The following NSMCE1 variants were observed in gnomAD, a reference collection of about 807,000 sequenced individuals.
NSMCE1 encodes NSE1 component of SMC5/6 complex, also known as non-structural maintenance of chromosomes element 1 homolog.
Under a neutral mutation model 29.6 loss-of-function variants are expected in NSMCE1, and 18 were observed. The observed-to-expected ratio is 0.61, with a 90% CI of 0.42 to 0.90. The LOEUF is 0.90. NSMCE1 is among the 40% of genes least tolerant of loss of function. The pLI is 0.00. For synonymous variants in NSMCE1, 124 were observed against 133.4 expected, an observed-to-expected ratio of 0.93 and a Z score of 0.49; for missense variants, 314 against 343.6, an observed-to-expected ratio of 0.91 and a Z score of 0.68.
chr16:27,243,768 A>T (rs925230835), intron 2 of NSMCE1, among the ~76,000 whole-genome samples: 4 of 152,094 alleles, frequency 2.6e-5, no homozygotes, highest in Admixed American at 6.6e-5. Context: ...CCCCCACCTC[A>T]GTCTCCCCAG....
At chr16:27,260,607 CTATAT>C (rs1468052093) in intron 1 of NSMCE1, among the ~76,000 whole-genome samples, 1 of 152,032 alleles carries the variant, frequency 6.6e-6, no homozygotes, top group African/African-American at 2.4e-5. Flanking sequence ...AAATCTACCT[CTATAT>C]TATAAGAGTT....
At position 27,254,364 on chromosome 16, in the gene NSMCE1, A is replaced by C. The variant is rs2084063107; in HGVS notation, c.136+3071T>G. Among the ~76,000 whole-genome samples the C allele has an allele frequency of 2.0e-5, 3 of 152,192 alleles. No individual in the cohort carries two copies. In the South Asian group the frequency reaches 6.2e-4, roughly 32 times the overall value. On this transcript the variant is annotated intron_variant, in intron 2 of 7. Coordinates refer to ENST00000361439, the MANE Select transcript of NSMCE1 (RefSeq NM_145080.4). ...CAGTGTGAAGAATAAATCAATTCCTAGACACATTCTACAGGACTTTCCTAA... is the reference window on the plus strand; with the variant it reads ...CAGTGTGAAGAATAAATCAATTCCTCGACACATTCTACAGGACTTTCCTAA...
intron 2 of NSMCE1, among the ~76,000 whole-genome samples, chr16:27,237,468 T>C (rs1428382752): frequency 6.6e-6 from 1 of 152,230 alleles, no homozygotes; most frequent in Non-Finnish European, 1.5e-5. Flanking sequence ...AGCTGTTCCG[T>C]ACCTGCCTGT....
chr16:27,239,337 A>T (rs35788748), intron 2 of NSMCE1, among the ~76,000 whole-genome samples: 49,258 of 152,070 alleles, frequency 0.32, 8,080 homozygotes, highest in East Asian at 0.47. Context: ...CCCCTGATCC[A>T]GGAGCCCTGG....
At chr16:27,266,067 C>T (rs2084221229) in intron 1 of NSMCE1, among the ~76,000 whole-genome samples, 1 of 152,050 alleles carries the variant, frequency 6.6e-6, no homozygotes, top group African/African-American at 2.4e-5. Flanking sequence ...AGGTATGTTA[C>T]ATACAATGTT....
chr16:27,251,547 C>T (rs540991696), intron 2 of NSMCE1, among the ~76,000 whole-genome samples: 4 of 152,192 alleles, frequency 2.6e-5, no homozygotes, highest in African/African-American at 7.2e-5. Context: ...TTAACGTCTA[C>T]GCTCATGAGG....
At chr16:27,228,347 G>C (rs1325994760) in intron 5 of NSMCE1, among the ~76,000 whole-genome samples, 1 of 152,078 alleles carries the variant, frequency 6.6e-6, no homozygotes, top group Non-Finnish European at 1.5e-5. Flanking sequence ...GTGCACAGGG[G>C]CTTTGTGTCA....
At chr16:27,245,253 T>C (rs1381296972) in intron 2 of NSMCE1, among the ~76,000 whole-genome samples, 1 of 152,192 alleles carries the variant, frequency 6.6e-6, no homozygotes, top group Non-Finnish European at 1.5e-5. Context: ...AAAAGAACTT[T>C]CCCCAGACCC....
rs549268272 is a variant in NSMCE1 at position 27,234,244 on chromosome 16, T to C, written c.280A>G (p.Ile94Val). 4.1e-5 allele frequency: 66 copies of C among 1,613,416 alleles called. No homozygotes were observed. The highest frequency in any genetic ancestry group is 5.3e-5 in the Non-Finnish European group (62 of 1,179,318). Residue 94 changes from isoleucine (I) to valine (V), a missense_variant, in exon 4 of 8, where the codon ATT (isoleucine) becomes GTT (valine). Transcript: ENST00000361439. ...YALVNLATTS[I>V]SKMATDFAEN... ...GCAAAATCCGTAGCCATTTTGGAAA[T>C]TGAAGTTGTAGCAAGATTCACCTAA...
At chr16:27,225,377 C>A in intron 7 of NSMCE1, 141 bp from the exon 8 acceptor site, 2 of 643,370 alleles carry the variant, frequency 3.1e-6, no homozygotes, top group South Asian at 1.8e-5. Flanking sequence ...CCCTCCCCAG[C>A]CCGTGAGGAA....
chr16:27,251,179 T>TAC (rs2084027316), intron 2 of NSMCE1, among the ~76,000 whole-genome samples: 1 of 53,530 alleles, frequency 1.9e-5, no homozygotes, highest in Non-Finnish European at 3.1e-5. Flanking sequence ...TATATATATA[T>TAC]ATATATATAT....
chr16:27,228,079 C>T (rs964188217), intron 5 of NSMCE1, among the ~76,000 whole-genome samples: 4 of 152,134 alleles, frequency 2.6e-5, no homozygotes, highest in African/African-American at 9.7e-5. Context: ...GTCACCGCAC[C>T]CAGCCCACTC....
Position 27,226,746 on chromosome 16 carries a change from T to C in NSMCE1, c.574A>G (p.Asn192Asp). 1.9e-6 allele frequency: 3 copies of C among 1,613,182 alleles called. No individual in the cohort carries two copies. Among genetic ancestry groups the C allele is most frequent in the Non-Finnish European group, 2.5e-6 (3 of 1,179,152 alleles). Residue 192 changes from asparagine to aspartate, a missense_variant, in exon 6 of 8, where the codon AAT becomes GAT. Asn to Asp is a conservative substitution (Grantham distance 23). Coordinates refer to ENST00000361439, the MANE Select transcript of NSMCE1 (RefSeq NM_145080.4). ...TGGATGAGGAGGCTGTGACAGATATTGCAGATCTTCACCGCGTCGGGGTAC... is the reference window on the plus strand; with the variant it reads ...TGGATGAGGAGGCTGTGACAGATATCGCAGATCTTCACCGCGTCGGGGTAC... ...ETYPDAVKIC[N>D]ICHSLLIQGQ...
chr16:27,258,707 A>G (rs1449428487), intron 1 of NSMCE1, among the ~76,000 whole-genome samples: 2 of 152,154 alleles, frequency 1.3e-5, no homozygotes, highest in East Asian at 3.9e-4. Flanking sequence ...CACCTGGCAC[A>G]TAAGAGATCC....
intron 5 of NSMCE1, among the ~76,000 whole-genome samples, chr16:27,229,940 G>A (rs1713887578): frequency 6.6e-6 from 1 of 152,170 alleles, no homozygotes; most frequent in African/African-American, 2.4e-5. Context: ...CACCATTCAT[G>A]ACCCACTCAG....
At chr16:27,234,617 C>A (rs2083799008) in intron 3 of NSMCE1, among the ~76,000 whole-genome samples, 1 of 152,254 alleles carries the variant, frequency 6.6e-6, no homozygotes, top group Admixed American at 6.5e-5. Flanking sequence ...GTCTGACCAG[C>A]ATTTCCACAG....
At chr16:27,253,539 C>A (rs2084055767) in intron 2 of NSMCE1, among the ~76,000 whole-genome samples, 1 of 152,162 alleles carries the variant, frequency 6.6e-6, no homozygotes, top group Non-Finnish European at 1.5e-5. Context: ...AGAAGGTGTA[C>A]TGAGCCCTGT....
intron 2 of NSMCE1, among the ~76,000 whole-genome samples, chr16:27,250,231 CT>C (rs1254559963): frequency 6.6e-6 from 1 of 152,170 alleles, no homozygotes; most frequent in African/African-American, 2.4e-5. Flanking sequence ...GTCGTCCTTT[CT>C]AATCCAGCTA....
chr16:27,227,980 T>G (rs898501547), intron 5 of NSMCE1, among the ~76,000 whole-genome samples: 1 of 152,136 alleles, frequency 6.6e-6, no homozygotes, highest in African/African-American at 2.4e-5. Context: ...AGACAGGGTT[T>G]CACCATGTTA....
Sources: allele counts gnomAD v4.1 joint callset (sites outside exome capture counted in the v4.1 genomes callset), GRCh38; gene constraint gnomAD v4.1.1; transcripts MANE v1.5; gene names NCBI Gene and HGNC (gene_info 2026-07-23, HGNC 2026-07-21).